Variants in ITGA2 observed in about 807,000 individuals in gnomAD.
ITGA2 encodes the protein integrin subunit alpha 2, also known as integrin alpha-2.
Under a neutral mutation model 146.3 loss-of-function variants are expected in ITGA2, and 101 were observed. The ratio of observed to expected loss-of-function variants is 0.69; its 90% CI spans 0.59 to 0.81. The LOEUF (loss-of-function observed/expected upper bound fraction) is 0.81. Ranked by LOEUF, ITGA2 falls within the 40% of genes least tolerant of loss-of-function variation. The pLI, the probability that ITGA2 is intolerant of heterozygous loss-of-function variation, is 0.00. For missense variants in ITGA2, 1,281 were observed against 1,402.7 expected (o/e 0.91, Z 1.39); for synonymous variants, 477 against 487.1 (o/e 0.98, Z 0.27).
intron 2 of ITGA2, among the ~76,000 whole-genome samples, chr5:53,028,025 G>A (rs1454139075): frequency 6.6e-6 from 1 of 151,998 alleles, no homozygotes; most frequent in Non-Finnish European, 1.5e-5. Flanking sequence ...AGGCTGCAGT[G>A]ACCTATGTTG....
In ITGA2 at chr5:53,035,372, G is replaced by A. The variant is rs149736579; in HGVS notation, c.186-6740G>A. Among the ~76,000 whole-genome samples, 835 of 152,242 alleles carry A rather than the reference G, an allele frequency of 5.5e-3. 7 individuals are homozygous for A. The highest frequency in any genetic ancestry group is 0.018 in the African/African-American group (734 of 41,540). On this transcript the variant is annotated intron_variant, in intron 2 of 29. Coordinates refer to ENST00000296585, the MANE Select transcript of ITGA2 (RefSeq NM_002203.4). ...TCTTCTAGTGCCAAAGCCAATTTCT[G>A]GAATTTTTATGAGACAGAACAGTAA...
chr5:52,997,696 A>C, intron 1 of ITGA2, among the ~76,000 whole-genome samples: 1 of 152,196 alleles, frequency 6.6e-6, no homozygotes, highest in East Asian at 1.9e-4. Flanking sequence ...GCTTCGGGTC[A>C]GTTCAGTCAG....
Position 53,075,047 on chromosome 5 carries a change from A to G in ITGA2, c.2665-14A>G. 6.3e-7 allele frequency: 1 copy of G among 1,579,112 alleles called. No individual in the cohort carries two copies. Among genetic ancestry groups the G allele is most frequent in the Non-Finnish European group, 8.7e-7 (1 of 1,150,406 alleles). On this transcript the variant is annotated splice_polypyrimidine_tract_variant and intron_variant, in intron 21 of 29. Coordinates refer to ENST00000296585, the MANE Select transcript of ITGA2 (RefSeq NM_002203.4). Reference sequence around the variant, plus strand: ...GAAGCATCATAGACTGAGAAATTTTAATTTTGTCTTTAGGTGACTTTTACT... The same window carrying G: ...GAAGCATCATAGACTGAGAAATTTTGATTTTGTCTTTAGGTGACTTTTACT...
intron 1 of ITGA2, among the ~76,000 whole-genome samples, chr5:53,016,067 G>T (rs952950338): frequency 6.6e-6 from 1 of 152,040 alleles, no homozygotes; most frequent in Non-Finnish European, 1.5e-5. Context: ...TTTTAATTAG[G>T]GCATTCAGGC....
At chr5:53,069,750 C>G (rs147781306) in intron 16 of ITGA2, among the ~76,000 whole-genome samples, 291 of 151,972 alleles carry the variant, frequency 1.9e-3, no homozygotes, top group Non-Finnish European at 3.5e-3. Flanking sequence ...AGCAACTGTT[C>G]CTTTCCATTC....
At chr5:53,064,211 T>C (rs947028113) in intron 13 of ITGA2, among the ~76,000 whole-genome samples, 1 of 151,996 alleles carries the variant, frequency 6.6e-6, no homozygotes, top group Non-Finnish European at 1.5e-5. Flanking sequence ...TAAGATATTG[T>C]GTTTTATTTT....
At position 53,093,138 on chromosome 5, in the gene ITGA2, T is replaced by C. The variant is rs1482940442; in HGVS notation, c.*2539T>C. On this transcript the variant is annotated 3_prime_UTR_variant, in exon 30 of 30. Coordinates refer to ENST00000296585, the MANE Select transcript of ITGA2 (RefSeq NM_002203.4). The stretch of plus-strand genomic sequence containing the variant: ...AAACAAAAAAAAAGTTAGTACTGTA[T>C]ATGTAAATACTAGCTTTTCAATGTG... The C allele has an allele frequency of 6.6e-6, 1 of 152,152 alleles. No individual in the cohort carries two copies. The highest frequency in any genetic ancestry group is 1.9e-4 in the East Asian group (1 of 5,196). 9.4% of individuals were successfully genotyped at this position (152,152 alleles called of 1,614,324 possible). A position where few individuals can be genotyped will look rare whatever the true frequency, so the allele number is the denominator to read the frequency against.
chr5:53,017,360 C>T (rs1742439838), intron 1 of ITGA2, among the ~76,000 whole-genome samples: 1 of 152,244 alleles, frequency 6.6e-6, no homozygotes, highest in Admixed American at 6.5e-5. Context: ...AAGGCTCAGC[C>T]CTGCACTCCT....
rs1554025543 is a variant in ITGA2, at chr5:53,090,063, G to T, written c.3465+1G>T. 2 of 1,558,088 alleles carry T rather than the reference G, an allele frequency of 1.3e-6. No homozygotes were observed. The highest frequency in any genetic ancestry group is 8.9e-7 in the Non-Finnish European group (1 of 1,129,110). ...AGCTCTGGTTGCAATTTTATGGAAG[G>T]TAAGAAAAGCTTTATATTTTAAAAT... On this transcript the variant is annotated splice_donor_variant, in intron 29 of 29. Coordinates refer to ENST00000296585, the MANE Select transcript of ITGA2 (RefSeq NM_002203.4). LOFTEE classifies it high-confidence loss of function.
chr5:53,067,368 AGAC>A, intron 16 of ITGA2, 111 bp downstream of exon 16: 3 of 1,167,548 alleles, frequency 2.6e-6, no homozygotes, highest in Non-Finnish European at 3.7e-6. Flanking sequence ...TTTTAGTTAT[AGAC>A]ACTTAAGTTT....
intron 2 of ITGA2, among the ~76,000 whole-genome samples, chr5:53,035,307 AT>A (rs1409332899): frequency 3.9e-5 from 6 of 152,202 alleles, no homozygotes; most frequent in African/African-American, 7.2e-5. Context: ...TGCATGTCGG[AT>A]GAGAGGAAGT....
chr5:53,027,001 A>G lies in ITGA2; in HGVS notation c.185+133A>G, dbSNP rs1742983439. 9.2e-6 allele frequency: 7 copies of G among 758,160 alleles called. No homozygotes were observed. In the Middle Eastern group the frequency reaches 1.1e-3, roughly 121 times the overall value. 47.0% of individuals were successfully genotyped at this position (758,160 alleles called of 1,614,324 possible). A position where few individuals can be genotyped will look rare whatever the true frequency, so the allele number is the denominator to read the frequency against. On this transcript the variant is annotated intron_variant, in intron 2 of 29. Transcript: ENST00000296585. ...GCCCTCAAATATCCTTAAATGAACA[A>G]TCTTTCTTTGAGAGTTGACAACTGC... is the stretch of plus-strand genomic sequence containing the variant.
intron 1 of ITGA2, among the ~76,000 whole-genome samples, chr5:53,014,719 G>A (rs3212410): frequency 3.9e-4 from 59 of 152,078 alleles, no homozygotes; most frequent in African/African-American, 1.3e-3. Context: ...CTATGAATTC[G>A]TCTGGTCCTG....
In ITGA2 at chr5:53,090,589, T is replaced by TGAAC; in HGVS notation, c.3536_3537insGAAC (p.Ser1180AsnfsTer3). The stretch of plus-strand genomic sequence containing the variant: ...GATGAGATTGATGAGACCACAGAGC[T>TGAAC]CAGTAGCTGAACCAGCAGACCTACC... On this transcript the variant is annotated frameshift_variant, in exon 30 of 30. Transcript: ENST00000296585. LOFTEE classifies it high-confidence loss of function. 6.2e-7 allele frequency: 1 copy of TGAAC among 1,613,858 alleles called. No homozygotes were observed. Among genetic ancestry groups the TGAAC allele is most frequent in the Non-Finnish European group, 8.5e-7 (1 of 1,179,856 alleles).
intron 4 of ITGA2, among the ~76,000 whole-genome samples, chr5:53,048,001 CAGGTAAATGAGAGACAAAA>C (rs1220029196): frequency 1.3e-5 from 2 of 152,154 alleles, no homozygotes; most frequent in Non-Finnish European, 2.9e-5. Context: ...ACCTGAGGCC[CAGGTAAATGAGAGACAAAA>C]AGTGAACCTG....
At position 53,059,362 on chromosome 5, in the gene ITGA2, G is replaced by C. The variant is rs3212535; in HGVS notation, c.1174-512G>C. 6.0e-3 allele frequency among the ~76,000 whole-genome samples: 906 copies of C among 152,042 alleles called. 8 individuals are homozygous for C. The highest frequency in any genetic ancestry group is 0.021 in the African/African-American group (868 of 41,530). On this transcript the variant is annotated intron_variant, in intron 10 of 29. Coordinates refer to ENST00000296585, the MANE Select transcript of ITGA2 (RefSeq NM_002203.4). ...CATTTGAGAAGGGGTCAGGAAGAGA[G>C]AGGAAGAAAGCTGAAAGTAGAACAG... is the stretch of plus-strand genomic sequence containing the variant.
intron 1 of ITGA2, among the ~76,000 whole-genome samples, chr5:53,011,557 A>G (rs943250151): frequency 3.9e-5 from 6 of 152,050 alleles, no homozygotes; most frequent in Non-Finnish European, 8.8e-5. Flanking sequence ...TTTATTACTG[A>G]TGCCCTGAAA....
Position 53,065,975 on chromosome 5 carries a change from C to G in ITGA2, c.1941C>G (p.Leu647=). 1 of 1,611,804 alleles carries G rather than the reference C, an allele frequency of 6.2e-7. No individual in the cohort carries two copies. Among genetic ancestry groups the G allele is most frequent in the Non-Finnish European group, 8.5e-7 (1 of 1,178,518 alleles). The change falls in exon 15 of 30, where the codon CTC becomes CTG. Residue 647 remains leucine (L), a splice_region_variant and synonymous_variant. Coordinates refer to ENST00000296585, the MANE Select transcript of ITGA2 (RefSeq NM_002203.4). ...GTGCCTTTGGACAAGTGGTTCAACTCTGGTGAGTCAGGAAGAGCCAGACAC... is the reference window on the plus strand; with the variant it reads ...GTGCCTTTGGACAAGTGGTTCAACTGTGGTGAGTCAGGAAGAGCCAGACAC... ...SIGAFGQVVQ[L]WSQSIADVAI...
rs1430629462 is a variant in ITGA2 at position 52,989,522 on chromosome 5, G to A, written c.54G>A (p.Ala18=). The change falls in exon 1 of 30, where the codon GCG becomes GCA. Residue 18 remains alanine (A), a synonymous_variant. Transcript: ENST00000296585. ...AAPLPLLLVL[A]LSQGILNCCL... is the part of the protein sequence containing the mutation. The stretch of plus-strand genomic sequence containing the variant: ...CGCTGCCGCTGCTGCTGGTGTTAGC[G>A]CTCAGTCAAGGTAAGCGGGGATTTC... The A allele has an allele frequency of 1.2e-6, 2 of 1,613,670 alleles. No individual in the cohort carries two copies. The highest frequency in any genetic ancestry group is 1.7e-6 in the Non-Finnish European group (2 of 1,179,864).
Sources: allele counts gnomAD v4.1 joint callset (sites outside exome capture counted in the v4.1 genomes callset), GRCh38; gene constraint gnomAD v4.1.1; transcripts MANE v1.5; gene names NCBI Gene and HGNC (gene_info 2026-07-23, HGNC 2026-07-21).